SLC25A23: variants seen among roughly 807,000 people sequenced by gnomAD.
The protein encoded by SLC25A23 is mitochondrial adenyl nucleotide antiporter SLC25A23.
SLC25A23 carries 32 observed loss-of-function variants against 53.9 expected under a neutral mutation model. That is an observed-to-expected ratio of 0.59 (90% CI 0.45 to 0.80). The LOEUF is 0.80. Ranked by LOEUF, SLC25A23 falls within the 30% of genes least tolerant of loss-of-function variation. SLC25A23 has a pLI of 0.00. For synonymous variants in SLC25A23, 275 were observed against 264.5 expected, an observed-to-expected ratio of 1.04 and a Z score of -0.38; for missense variants, 575 against 651.4, an observed-to-expected ratio of 0.88 and a Z score of 1.28.
chr19:6,458,081 G>T, intron 2 of SLC25A23, 117 bp downstream of exon 2: 1 of 1,340,360 alleles, frequency 7.5e-7, no homozygotes, highest in East Asian at 2.4e-5. Context: ...ATGAGTCATC[G>T]GGGAGAAGCG....
At chr19:6,451,163 T>G (rs1280071651) in intron 8 of SLC25A23, among the ~76,000 whole-genome samples, 2 of 142,200 alleles carry the variant, frequency 1.4e-5, no homozygotes, top group African/African-American at 2.6e-5. Flanking sequence ...CCAAGGCGGG[T>G]GGATCACTTA....
At chr19:6,446,281 T>C (rs559226816) in intron 8 of SLC25A23, among the ~76,000 whole-genome samples, 3 of 150,332 alleles carry the variant, frequency 2.0e-5, no homozygotes, top group African/African-American at 7.4e-5. Context: ...GAGAATCGCC[T>C]GAACCGGGGA....
At chr19:6,458,615 G>A (rs983816371) in intron 1 of SLC25A23, among the ~76,000 whole-genome samples, 1 of 152,168 alleles carries the variant, frequency 6.6e-6, no homozygotes, top group African/African-American at 2.4e-5. Context: ...GGTAACCTCA[G>A]TTCTCATCTG....
Position 6,452,498 on chromosome 19 carries a change from T to C in SLC25A23, c.904-19A>G. The stretch of plus-strand genomic sequence containing the variant: ...TCAGCACCTGGGGAGAACCTGGTTA[T>C]CCCTGGAAAAGCTGTCCCACCAAAT... On this transcript the variant is annotated intron_variant, in intron 7 of 9. Transcript: ENST00000301454. The C allele has an allele frequency of 6.3e-7, 1 of 1,587,074 alleles. No homozygotes were observed. Among genetic ancestry groups the C allele is most frequent in the Non-Finnish European group, 8.6e-7 (1 of 1,162,274 alleles).
At chr19:6,443,587 A>C (rs760554222) in intron 9 of SLC25A23, 171 of 702,754 alleles carry the variant, frequency 2.4e-4, no homozygotes, top group Non-Finnish European at 4.1e-4. Flanking sequence ...TTTATTTAGC[A>C]TCTTCCTTCC....
downstream of SLC25A23, chr19:6,436,327 G>A (rs1322934196): frequency 2.3e-6 from 1 of 441,368 alleles, no homozygotes; most frequent in East Asian, 7.1e-5. Flanking sequence ...GGACTATCCA[G>A]GGAATTCAAC....
chr19:6,456,214 A>G lies in SLC25A23; in HGVS notation c.483+206T>C, dbSNP rs576172950. 26 of 1,077,312 alleles carry G rather than the reference A, an allele frequency of 2.4e-5. No individual in the cohort carries two copies. The East Asian group carries it at 5.5e-4, about 23-fold the overall frequency. 66.7% of individuals were successfully genotyped at this position (1,077,312 alleles called of 1,614,324 possible). ...TGTAAGTCTCAAGGGCTGCGCTTCA[A>G]TCAGACAGCAGAGATGTCCCAAATG... On this transcript the variant is annotated intron_variant, in intron 4 of 9. Coordinates refer to ENST00000301454, the MANE Select transcript of SLC25A23 (RefSeq NM_024103.3).
chr19:6,453,421 G>A (rs1179979829), intron 7 of SLC25A23, among the ~76,000 whole-genome samples: 3 of 151,840 alleles, frequency 2.0e-5, no homozygotes. Context: ...TGTATTTTTA[G>A]TAGAGACGGT....
chr19:6,455,068 C>A (rs985967593), intron 4 of SLC25A23, among the ~76,000 whole-genome samples: 5 of 152,086 alleles, frequency 3.3e-5, no homozygotes, highest in African/African-American at 1.2e-4. Flanking sequence ...GTGGGAGAAT[C>A]CCTTGGGGCC....
chr19:6,440,032 C>A (rs1012785034), downstream of SLC25A23: 15 of 152,130 alleles, frequency 9.9e-5, no homozygotes, highest in African/African-American at 3.6e-4. Flanking sequence ...GTCCCATAGC[C>A]ACCCACCCCC....
At chr19:6,437,774 A>G (rs1599271575), downstream of SLC25A23, among the ~76,000 whole-genome samples, 1 of 144,122 alleles carries the variant, frequency 6.9e-6, no homozygotes, top group Non-Finnish European at 1.5e-5. Flanking sequence ...GCGCCAGTGC[A>G]CTCCAGCCTA....
intron 9 of SLC25A23, 110 bp from the exon 10 acceptor site, chr19:6,442,269 G>T: frequency 1.4e-6 from 1 of 719,700 alleles, no homozygotes; most frequent in Non-Finnish European, 2.2e-6. Context: ...AGGGAAGGAG[G>T]TTAGACTAAC....
intron 8 of SLC25A23, 58 bp from the exon 9 acceptor site, chr19:6,444,359 C>T: frequency 6.6e-7 from 1 of 1,518,098 alleles, no homozygotes; most frequent in East Asian, 2.3e-5. Flanking sequence ...ACCCTGGCTT[C>T]AAAGGCCTGC....
At position 6,458,283 on chromosome 19, in the gene SLC25A23, G is replaced by A. The variant is rs142361455; in HGVS notation, c.198C>T (p.Leu66=). ...SEGDADPDGG[L]DLEEFSRYLQ... Reference sequence around the variant, plus strand: ...GATAGCGGGAAAATTCCTCCAGGTCGAGCCCGCCATCTGGGTCAGCATCAC... The same window carrying A: ...GATAGCGGGAAAATTCCTCCAGGTCAAGCCCGCCATCTGGGTCAGCATCAC... The change falls in exon 2 of 10, where the codon CTC becomes CTT. Residue 66 remains leucine, a synonymous_variant. Coordinates refer to ENST00000301454, the MANE Select transcript of SLC25A23 (RefSeq NM_024103.3). The A allele has an allele frequency of 1.2e-5, 19 of 1,613,200 alleles. No homozygotes were observed. Among genetic ancestry groups the A allele is most frequent in the Middle Eastern group, 1.6e-4 (1 of 6,084 alleles).
rs61729395 is a variant in SLC25A23 at position 6,452,315 on chromosome 19, G to A, written c.1068C>T (p.Tyr356=). The change falls in exon 8 of 10, where the codon TAC becomes TAT. Residue 356 remains tyrosine (Y), a synonymous_variant. Transcript: ENST00000301454. ...GAGGAACGCGCTGCCCACAGACCTC[G>A]TAGACGGCCAGGTCGATGCCCGCAT... ...IPYAGIDLAV[Y]ETLKNWWLQQ... The A allele has an allele frequency of 1.5e-3, 2,385 of 1,610,970 alleles. 29 individuals are homozygous for A. The African/African-American group carries it at 0.028, about 19-fold the overall frequency.
rs1348443154 is a variant in SLC25A23 at position 6,441,528 on chromosome 19, T to A, written c.*447A>T. 1 of 184,360 alleles carries A rather than the reference T, an allele frequency of 5.4e-6. No individual in the cohort carries two copies. The highest frequency in any genetic ancestry group is 1.2e-5 in the Non-Finnish European group (1 of 86,514). 11.4% of individuals were successfully genotyped at this position (184,360 alleles called of 1,614,324 possible). On this transcript the variant is annotated 3_prime_UTR_variant, in exon 10 of 10. Coordinates refer to ENST00000301454, the MANE Select transcript of SLC25A23 (RefSeq NM_024103.3). ...GATCCATTCACTGATTTGTGTGGGA[T>A]CCAGTGGTTAAGACGTAGAGGTCCA...
intron 7 of SLC25A23, among the ~76,000 whole-genome samples, chr19:6,453,239 G>GTTTTTT (rs34113509): frequency 1.6e-5 from 2 of 125,012 alleles, no homozygotes; most frequent in African/African-American, 3.0e-5. Flanking sequence ...TGTGATTGAA[G>GTTTTTT]TTTTTTTTTT....
At chr19:6,445,535 C>T (rs769682656) in intron 8 of SLC25A23, among the ~76,000 whole-genome samples, 11 of 152,178 alleles carry the variant, frequency 7.2e-5, no homozygotes, top group South Asian at 4.1e-4. Context: ...GGAGTGCAGG[C>T]GGCCTCTAGA....
In SLC25A23 at chr19:6,444,020, C is replaced by CA. The variant is rs2092465421; in HGVS notation, c.1222+130dup. The CA allele has an allele frequency of 3.0e-6, 3 of 998,300 alleles. No individual in the cohort carries two copies. In the East Asian group the frequency reaches 8.0e-5, roughly 27 times the overall value. 61.8% of individuals were successfully genotyped at this position (998,300 alleles called of 1,614,324 possible). ...GTAAAGGACTCCCATTTCAATGTCA[C>CA]AAATGGGGAAACGGAGGCCCAGAGA... On this transcript the variant is annotated intron_variant, in intron 9 of 9. Transcript: ENST00000301454.
Sources: allele counts gnomAD v4.1 joint callset (sites outside exome capture counted in the v4.1 genomes callset), GRCh38; gene constraint gnomAD v4.1.1; transcripts MANE v1.5; gene names NCBI Gene and HGNC (gene_info 2026-07-23, HGNC 2026-07-21).